Variants in MARK2 observed in about 807,000 individuals in gnomAD.
The protein encoded by MARK2 is microtubule affinity regulating kinase 2.
A neutral mutation model predicts 89.8 loss-of-function variants in MARK2; 16 were observed. That is an observed-to-expected ratio of 0.18 (90% CI 0.12 to 0.27). MARK2 has a LOEUF of 0.27. Ranked by LOEUF, MARK2 falls within the 10% of genes least tolerant of loss-of-function variation. The pLI, the probability that MARK2 is intolerant of heterozygous loss-of-function variation, is 1.00. For synonymous variants in MARK2, 382 were observed against 399.5 expected, an observed-to-expected ratio of 0.96 and a Z score of 0.52; for missense variants, 621 against 1,049.9, an observed-to-expected ratio of 0.59 and a Z score of 5.65.
At chr11:63,906,155 G>C (rs1590710301) in intron 17 of MARK2, 41 bp downstream of exon 17, 4 of 1,204,224 alleles carry the variant, frequency 3.3e-6, no homozygotes, top group Non-Finnish European at 4.2e-6. Flanking sequence ...GTGTGTGTGT[G>C]TCTGTGTCCT....
intron 11 of MARK2, 101 bp downstream of exon 11, chr11:63,901,170 G>A: frequency 1.3e-6 from 1 of 773,348 alleles, no homozygotes; most frequent in South Asian, 1.5e-5. Context: ...CTCTGAGTAG[G>A]TGTGCTCTCT....
intron 16 of MARK2, 140 bp downstream of exon 16, chr11:63,905,183 G>A: frequency 3.0e-6 from 3 of 996,570 alleles, no homozygotes; most frequent in East Asian, 2.5e-5. Context: ...GCTTCAGGAA[G>A]CACAAGAAAT....
intron 1 of MARK2, among the ~76,000 whole-genome samples, chr11:63,872,143 G>T (rs185506050): frequency 6.6e-6 from 1 of 152,134 alleles, no homozygotes; most frequent in African/African-American, 2.4e-5. Flanking sequence ...CCATTCCTCC[G>T]GCCACTCCTG....
At chr11:63,867,932 C>G (rs1475812250) in intron 1 of MARK2, among the ~76,000 whole-genome samples, 3 of 152,218 alleles carry the variant, frequency 2.0e-5, no homozygotes, top group African/African-American at 7.2e-5. Flanking sequence ...GGGTCCCACA[C>G]TGGATTGTGT....
chr11:63,909,281 G>GGGCT lies in MARK2; in HGVS notation c.*46_*49dup. 1 of 1,514,814 alleles carries GGGCT rather than the reference G, an allele frequency of 6.6e-7. No individual in the cohort carries two copies. Among genetic ancestry groups the GGGCT allele is most frequent in the South Asian group, 1.3e-5 (1 of 78,616 alleles). The allele number at this position is 1,514,814 out of a possible 1,614,324, so 93.8% of individuals were successfully genotyped here. A position where few individuals can be genotyped will look rare whatever the true frequency, so the allele number is the denominator to read the frequency against. ...GGCGGCGGGGGCGGGCCAGCTGGAC[G>GGGCT]GGCTGCCGGCCGCTGCGCCGCCCCA... On this transcript the variant is annotated 3_prime_UTR_variant, in exon 19 of 19. Transcript: ENST00000402010.
chr11:63,899,834 G>A (rs1238878625), intron 7 of MARK2, 40 bp from the exon 8 acceptor site: 5 of 1,378,486 alleles, frequency 3.6e-6, no homozygotes, highest in African/African-American at 2.8e-5. Context: ...CCTTAGTCTG[G>A]TCCACTTGGT....
intron 1 of MARK2, among the ~76,000 whole-genome samples, chr11:63,866,359 A>G (rs1457199179): frequency 6.6e-6 from 1 of 152,100 alleles, no homozygotes; most frequent in Non-Finnish European, 1.5e-5. Context: ...CTCAAAAAAA[A>G]AAAAAAAAAA....
intron 1 of MARK2, among the ~76,000 whole-genome samples, chr11:63,860,408 C>T (rs776914142): frequency 4.3e-4 from 65 of 149,434 alleles, no homozygotes; most frequent in Non-Finnish European, 7.7e-4. Flanking sequence ...AAAAATTAGC[C>T]GGGCGTGGTG....
At chr11:63,895,509 AG>A in intron 2 of MARK2, 70 bp from the exon 3 acceptor site, 1 of 1,474,126 alleles carries the variant, frequency 6.8e-7, no homozygotes, top group Non-Finnish European at 9.5e-7. Context: ...AATATAAAGG[AG>A]GAAGTAGATT....
intron 1 of MARK2, among the ~76,000 whole-genome samples, chr11:63,869,980 G>A (rs547863720): frequency 1.6e-3 from 241 of 152,318 alleles, no homozygotes; most frequent in African/African-American, 5.3e-3. Context: ...GTCCCAGGAG[G>A]GTGAATGACT....
At chr11:63,860,690 C>G (rs1483111929) in intron 1 of MARK2, among the ~76,000 whole-genome samples, 2 of 151,920 alleles carry the variant, frequency 1.3e-5, no homozygotes, top group Non-Finnish European at 2.9e-5. Flanking sequence ...AACCCCGTCT[C>G]TACTTAAAAT....
At chr11:63,844,487 A>G (rs983256704) in intron 1 of MARK2, among the ~76,000 whole-genome samples, 1 of 151,888 alleles carries the variant, frequency 6.6e-6, no homozygotes, top group African/African-American at 2.4e-5. Context: ...CTATCTCAGA[A>G]AAAAAAAATT....
rs1187512523 is a variant in MARK2, at chr11:63,900,134, A to G, written c.768+24A>G. 46 of 1,524,722 alleles carry G rather than the reference A, an allele frequency of 3.0e-5. No individual in the cohort carries two copies. The highest frequency in any genetic ancestry group is 3.7e-5 in the Non-Finnish European group (41 of 1,099,060). The allele number at this position is 1,524,722 out of a possible 1,614,324, so 94.4% of individuals were successfully genotyped here. On this transcript the variant is annotated intron_variant, in intron 8 of 18. Transcript: ENST00000402010. This position sits in a 1 kb window ranked among gnomAD's most constrained non-coding sequence, Gnocchi z 4.7. ...AGGTGGAGTGAAGTGCAAGCTTTTT[A>G]TTGCTTCTCATTTCCTCTCGGCCTC...
intron 1 of MARK2, among the ~76,000 whole-genome samples, chr11:63,885,089 G>C (rs1026684379): frequency 6.6e-6 from 1 of 152,140 alleles, no homozygotes; most frequent in African/African-American, 2.4e-5. Context: ...TGTAGCCCCA[G>C]GTATTCAAGA....
At chr11:63,884,970 G>A (rs903345478) in intron 1 of MARK2, among the ~76,000 whole-genome samples, 2 of 152,244 alleles carry the variant, frequency 1.3e-5, no homozygotes, top group East Asian at 1.9e-4. Context: ...AGGAGGCCGA[G>A]GTGAGAGGAT....
At chr11:63,898,386 T>C (rs952017580) in intron 4 of MARK2, 106 bp downstream of exon 4, 6 of 1,136,282 alleles carry the variant, frequency 5.3e-6, no homozygotes, top group Non-Finnish European at 8.0e-6. Context: ...TCTGCAGTCT[T>C]CAAGGATACC....
chr11:63,839,153 G>T lies in MARK2; in HGVS notation c.-354G>T, dbSNP rs938334314. On this transcript the variant is annotated 5_prime_UTR_variant, in exon 1 of 19. Transcript: ENST00000402010. ...GTTGGGAGCAGCAGGTCCGGCGGCG[G>T]CTGCCTGTGTGCCGGGCGCGGAGCA... is the stretch of plus-strand genomic sequence containing the variant. 2.5e-5 allele frequency: 5 copies of T among 198,502 alleles called. No individual in the cohort carries two copies. The highest frequency in any genetic ancestry group is 4.0e-5 in the Non-Finnish European group (4 of 99,812). The allele number at this position is 198,502 out of a possible 1,614,324, so 12.3% of individuals were successfully genotyped here.
rs1940980964 is a variant in MARK2 at position 63,902,483 on chromosome 11, C to A, written c.1235-118C>A. 2 of 1,379,696 alleles carry A rather than the reference C, an allele frequency of 1.4e-6. No homozygotes were observed. Among genetic ancestry groups the A allele is most frequent in the Non-Finnish European group, 2.0e-6 (2 of 992,410 alleles). 85.5% of individuals were successfully genotyped at this position (1,379,696 alleles called of 1,614,324 possible). ...GGGCAAGCCACTTCCCTTCCCTCGC[C>A]TCTGTGGAATGGGGGCTTGCTGGGT... On this transcript the variant is annotated intron_variant, in intron 12 of 18. Transcript: ENST00000402010. This position sits in a 1 kb window ranked among gnomAD's most constrained non-coding sequence, Gnocchi z 4.2.
intron 1 of MARK2, among the ~76,000 whole-genome samples, chr11:63,855,173 A>G (rs1035614317): frequency 4.6e-5 from 7 of 152,078 alleles, no homozygotes; most frequent in Non-Finnish European, 8.8e-5. Context: ...ATTCTGCACA[A>G]TTCAGTGAAG....
Sources: allele counts gnomAD v4.1 joint callset (sites outside exome capture counted in the v4.1 genomes callset), GRCh38; gene constraint gnomAD v4.1.1; non-coding constraint Gnocchi (gnomAD v3.1); transcripts MANE v1.5; gene names NCBI Gene and HGNC (gene_info 2026-07-23, HGNC 2026-07-21).